Variants in LRTM3 observed in about 807,000 individuals in gnomAD.
LRTM3 encodes the protein leucine-rich repeat transmembrane protein 3.
At chr13:102,746,087 T>C in the LRTM3 span, 1 of 1,551,142 alleles carries the variant, frequency 6.4e-7, no homozygotes, top group Admixed American at 2.0e-5. Context: ...TTGTAGTTCT[T>C]CAGCTTCTAA....
At chr13:102,749,692 G>T in the LRTM3 span, 1 of 1,551,278 alleles carries the variant, frequency 6.4e-7, no homozygotes, top group Admixed American at 2.0e-5. Flanking sequence ...TGCTGGCTTT[G>T]CTCTCAGGCT....
chr13:102,730,493 C>T, the LRTM3 span: 1 of 1,551,434 alleles, frequency 6.4e-7, no homozygotes, highest in Non-Finnish European at 8.7e-7. Context: ...TTCTTGAAAC[C>T]ATACATGATA....
At chr13:102,750,784 G>A in the LRTM3 span, among the ~76,000 whole-genome samples, 1,024 of 152,268 alleles carry the variant, frequency 6.7e-3, 15 homozygotes, top group African/African-American at 0.023. Flanking sequence ...AATACCAATA[G>A]TATAAACTAG....
the LRTM3 span, among the ~76,000 whole-genome samples, chr13:102,753,023 C>T: frequency 2.6e-5 from 4 of 152,030 alleles, no homozygotes; most frequent in Admixed American, 6.5e-5. Context: ...GATGCACATG[C>T]GTGTTTATTG....
the LRTM3 span, chr13:102,733,880 T>G: frequency 1.3e-6 from 2 of 1,551,228 alleles, no homozygotes; most frequent in Admixed American, 2.0e-5. Context: ...AACGTTTTTA[T>G]CAACGCCTTC....
the LRTM3 span, chr13:102,734,459 T>C: frequency 7.1e-6 from 11 of 1,551,404 alleles, no homozygotes; most frequent in Admixed American, 2.0e-5. Context: ...TTGACCTTCA[T>C]GTTCCTTTCG....
chr13:102,730,687 T>C, the LRTM3 span: 1 of 1,551,990 alleles, frequency 6.4e-7, no homozygotes, highest in African/African-American at 1.4e-5. Flanking sequence ...GTTCTAACAG[T>C]TCTGTATCAA....
chr13:102,746,067 C>T, the LRTM3 span: 12 of 1,551,096 alleles, frequency 7.7e-6, no homozygotes, highest in East Asian at 9.8e-5. Flanking sequence ...TTTTCTGTTT[C>T]GTTGGCTTTT....
the LRTM3 span, chr13:102,741,384 G>A: frequency 6.5e-7 from 1 of 1,549,794 alleles, no homozygotes; most frequent in Non-Finnish European, 8.7e-7. Flanking sequence ...GGATTCACCT[G>A]TTCTTTCTGC....
the LRTM3 span, chr13:102,747,049 A>G: frequency 2.4e-5 from 37 of 1,551,054 alleles, no homozygotes; most frequent in Non-Finnish European, 3.2e-5. Context: ...GGTTGCAGCT[A>G]TCATGCAGGA....
the LRTM3 span, chr13:102,742,891 T>C: frequency 6.4e-7 from 1 of 1,550,748 alleles, no homozygotes; most frequent in African/African-American, 1.4e-5. Context: ...TGGCATCATC[T>C]GTTGCCTCAC....
chr13:102,749,110 T>C, the LRTM3 span: 2 of 1,549,992 alleles, frequency 1.3e-6, no homozygotes, highest in Non-Finnish European at 1.7e-6. Context: ...TTTCATGTAA[T>C]TCTTTCTTCT....
chr13:102,735,235 T>C, the LRTM3 span: 1 of 1,551,376 alleles, frequency 6.4e-7, no homozygotes, highest in Non-Finnish European at 8.7e-7. Context: ...TGGGATCCAG[T>C]ACACTGGTCA....
At chr13:102,741,017 A>G in the LRTM3 span, 1 of 1,550,110 alleles carries the variant, frequency 6.5e-7, no homozygotes, top group South Asian at 1.2e-5. Flanking sequence ...TGCTTTCTCT[A>G]CCATTGGGCT....
At chr13:102,740,420 G>A in the LRTM3 span, 17 of 1,550,170 alleles carry the variant, frequency 1.1e-5, no homozygotes, top group Non-Finnish European at 1.5e-5. Context: ...TTCTGATAAT[G>A]CTTCCTTTTC....
chr13:102,731,450 A>G, the LRTM3 span: 5 of 1,551,302 alleles, frequency 3.2e-6, no homozygotes, highest in Non-Finnish European at 4.4e-6. Context: ...ATGACTAGTA[A>G]GCTTATTTTT....
the LRTM3 span, chr13:102,743,323 A>G: frequency 2.6e-6 from 4 of 1,550,320 alleles, no homozygotes; most frequent in African/African-American, 5.5e-5. Context: ...TTTGGAATCC[A>G]CTTTGCCTTT....
chr13:102,738,804 C>A, the LRTM3 span: 1 of 1,550,272 alleles, frequency 6.5e-7, no homozygotes, highest in Middle Eastern at 1.7e-4. Context: ...ATCTCAACTT[C>A]TTTATCTTCC....
the LRTM3 span, among the ~76,000 whole-genome samples, chr13:102,754,417 G>T: frequency 3.9e-5 from 6 of 151,916 alleles, no homozygotes; most frequent in African/African-American, 1.5e-4. Context: ...TGTTTTGTTT[G>T]CTGATGAGTC....
Sources: allele counts gnomAD v4.1 joint callset (sites outside exome capture counted in the v4.1 genomes callset), GRCh38; gene constraint gnomAD v4.1.1; transcripts MANE v1.5; gene names NCBI Gene and HGNC (gene_info 2026-07-23, HGNC 2026-07-21).